USP14: variants seen among roughly 807,000 people sequenced by gnomAD.
The protein encoded by USP14 is ubiquitin specific peptidase 14.
Under a neutral mutation model 76.5 loss-of-function variants are expected in USP14, and 38 were observed. The observed-to-expected ratio is 0.50, with a 90% CI of 0.38 to 0.65. The LOEUF is 0.65. USP14 is among the 30% of genes least tolerant of loss of function. USP14 has a pLI of 0.00. For missense variants in USP14, 467 were observed against 586.5 expected, an observed-to-expected ratio of 0.80 and a Z score of 2.10; for synonymous variants, 192 against 191.7, an observed-to-expected ratio of 1.00 and a Z score of -0.01.
chr18:174,151 C>G (rs892121059), intron 3 of USP14, among the ~76,000 whole-genome samples: 5 of 152,098 alleles, frequency 3.3e-5, no homozygotes, highest in African/African-American at 1.2e-4. Flanking sequence ...TGGGACATCT[C>G]AATATTGAGT....
intron 1 of USP14, among the ~76,000 whole-genome samples, chr18:162,656 TA>T (rs1253919821): frequency 6.6e-6 from 1 of 152,174 alleles, no homozygotes; most frequent in East Asian, 1.9e-4. Flanking sequence ...ATTCTTCAAT[TA>T]AACACATGGG....
At chr18:195,554 A>C (rs1413198337) in intron 6 of USP14, among the ~76,000 whole-genome samples, 1 of 152,186 alleles carries the variant, frequency 6.6e-6, no homozygotes, top group African/African-American at 2.4e-5. Flanking sequence ...AATCCAAGAG[A>C]ACAGACTAGT....
chr18:199,344 T>G (rs371870838), intron 10 of USP14, 28 bp downstream of exon 10: 71 of 1,504,028 alleles, frequency 4.7e-5, no homozygotes, highest in Non-Finnish European at 1.8e-5. Context: ...CCATCCTTGT[T>G]GTTTGTGAAT....
chr18:206,530 A>G (rs1160317206), intron 13 of USP14, among the ~76,000 whole-genome samples: 1 of 152,160 alleles, frequency 6.6e-6, no homozygotes, highest in East Asian at 1.9e-4. Context: ...TTTGCAGAAG[A>G]AAGGTTTTTT....
chr18:173,354 G>A (rs547531871), intron 3 of USP14, among the ~76,000 whole-genome samples: 11 of 151,748 alleles, frequency 7.2e-5, no homozygotes, highest in South Asian at 6.2e-4. Context: ...CTCGTGATCA[G>A]CCCGCCTTGG....
chr18:212,032 A>T lies in USP14; in HGVS notation c.*748A>T, dbSNP rs550190834. ...AAATGAGGACATTTAATAATAATAA[A>T]AAAAAAGGGATTAATAGCTTTTGAC... On this transcript the variant is annotated 3_prime_UTR_variant, in exon 16 of 16. Coordinates refer to ENST00000261601, the MANE Select transcript of USP14 (RefSeq NM_005151.4). The T allele has an allele frequency of 4.3e-4, 65 of 152,320 alleles. No individual in the cohort carries two copies. The highest frequency in any genetic ancestry group is 1.0e-3 in the African/African-American group (42 of 41,574). 9.4% of individuals were successfully genotyped at this position (152,320 alleles called of 1,614,324 possible).
intron 3 of USP14, among the ~76,000 whole-genome samples, chr18:176,467 A>T (rs190758224): frequency 1.3e-5 from 2 of 151,810 alleles, no homozygotes; most frequent in African/African-American, 2.4e-5. Flanking sequence ...TTTAATTTTT[A>T]CTTTTTCTAG....
rs1347545003 is a variant in USP14 at position 158,689 on chromosome 18, G to GCGCCC, written c.-5_-1dup. ...CTCTCCTGCGCCGCCGCCTCCCGCC[G>GCGCCC]CGCCCCGCCATGCCGCTCTACTCCG... On this transcript the variant is annotated 5_prime_UTR_variant, in exon 1 of 16. Coordinates refer to ENST00000261601, the MANE Select transcript of USP14 (RefSeq NM_005151.4). The GCGCCC allele has an allele frequency of 9.2e-6, 14 of 1,527,288 alleles. No individual in the cohort carries two copies. The highest frequency in any genetic ancestry group is 6.0e-5 in the South Asian group (5 of 83,200). 94.6% of individuals were successfully genotyped at this position (1,527,288 alleles called of 1,614,324 possible). A position where few individuals can be genotyped will look rare whatever the true frequency, so the allele number is the denominator to read the frequency against.
At position 196,780 on chromosome 18, in the gene USP14, AG is replaced by A. The variant is rs1910249089; in HGVS notation, c.594+15del. ...GTATCTTCAACAGGTAATTAGGGCA[AG>A]GTATTTTTCATTCTGTAAATGTAAA... On this transcript the variant is annotated intron_variant, in intron 7 of 15. Transcript: ENST00000261601. The A allele has an allele frequency of 6.2e-7, 1 of 1,610,552 alleles. No individual in the cohort carries two copies. Among genetic ancestry groups the A allele is most frequent in the African/African-American group, 1.3e-5 (1 of 74,774 alleles).
At chr18:178,001 T>C (rs568856222) in intron 3 of USP14, among the ~76,000 whole-genome samples, 4 of 147,866 alleles carry the variant, frequency 2.7e-5, no homozygotes, top group African/African-American at 9.9e-5. Context: ...AATAATTTTA[T>C]TAGTGTTTGT....
chr18:160,659 G>C (rs760847606), intron 1 of USP14, among the ~76,000 whole-genome samples: 9 of 152,208 alleles, frequency 5.9e-5, no homozygotes, highest in African/African-American at 2.4e-5. Context: ...TAAGTAACTT[G>C]CTCATGGCAA....
In USP14 at chr18:211,185, T is replaced by C. The variant is rs368897260; in HGVS notation, c.1386T>C (p.Asp462=). 4.2e-5 allele frequency: 68 copies of C among 1,613,954 alleles called. No individual in the cohort carries two copies. The African/African-American group carries it at 8.4e-4, about 20-fold the overall frequency. Residue 462 remains aspartate, a synonymous_variant, in exon 16 of 16, where the codon GAT becomes GAC. Coordinates refer to ENST00000261601, the MANE Select transcript of USP14 (RefSeq NM_005151.4). ...AAGTCAGCATCGTAACACCAGAAGATATCTTACGGCTTTCTGGTGGTGGAG... is the reference window on the plus strand; with the variant it reads ...AAGTCAGCATCGTAACACCAGAAGACATCTTACGGCTTTCTGGTGGTGGAG... ...DDKVSIVTPE[D]ILRLSGGGDW...
intron 6 of USP14, among the ~76,000 whole-genome samples, chr18:195,489 AT>A (rs1222974631): frequency 6.6e-6 from 1 of 152,214 alleles, no homozygotes; most frequent in Non-Finnish European, 1.5e-5. Flanking sequence ...TTTGCTGTAC[AT>A]GAAGGAGGGC....
intron 1 of USP14, 192 bp from the exon 2 acceptor site, chr18:163,116 A>T: frequency 2.2e-6 from 1 of 458,990 alleles, no homozygotes; most frequent in Non-Finnish European, 3.8e-6. Flanking sequence ...ATGAGAAGTT[A>T]GGTTTGATCC....
chr18:190,413 A>G lies in USP14; in HGVS notation c.405-2429A>G, dbSNP rs747071890. ...ACCAGTTTCAAAAACGGAGGTACCA[A>G]TTCATATTTTCATTAGCATTATATG... On this transcript the variant is annotated intron_variant, in intron 5 of 15. Coordinates refer to ENST00000261601, the MANE Select transcript of USP14 (RefSeq NM_005151.4). Among the ~76,000 whole-genome samples the G allele has an allele frequency of 2.0e-4, 30 of 152,320 alleles. No individual in the cohort carries two copies. In the East Asian group the frequency reaches 4.1e-3, roughly 21 times the overall value.
chr18:173,473 G>A (rs774652379), intron 3 of USP14, among the ~76,000 whole-genome samples: 22 of 150,742 alleles, frequency 1.5e-4, no homozygotes, highest in Admixed American at 3.3e-4. Context: ...GTGCAATGGC[G>A]TGATCTCAGC....
In USP14 at chr18:192,975, A is replaced by G. The variant is rs556547690; in HGVS notation, c.463+75A>G. 3.8e-6 allele frequency: 5 copies of G among 1,300,114 alleles called. No homozygotes were observed. In the African/African-American group the frequency reaches 7.5e-5, roughly 19 times the overall value. The allele number at this position is 1,300,114 out of a possible 1,614,324, so 80.5% of individuals were successfully genotyped here. The stretch of plus-strand genomic sequence containing the variant: ...TTTCGCTCACAATCCTTTGCAGTTT[A>G]CAGAATGTCTTTTGTAAAACATCAC... On this transcript the variant is annotated intron_variant, in intron 6 of 15. Transcript: ENST00000261601.
intron 6 of USP14, among the ~76,000 whole-genome samples, chr18:195,904 A>G (rs563263340): frequency 3.9e-5 from 6 of 152,268 alleles, no homozygotes; most frequent in African/African-American, 1.4e-4. Context: ...AGAGAGAGGG[A>G]GGGCTCAGAA....
At chr18:204,721 T>G (rs1231527523) in intron 13 of USP14, 29 bp downstream of exon 13, 1 of 1,598,920 alleles carries the variant, frequency 6.3e-7, no homozygotes, top group South Asian at 1.1e-5. Flanking sequence ...CTTTATACTC[T>G]TAATATCTTA....
Sources: gnomAD v4.1 joint callset for allele counts (sites outside exome capture counted in the v4.1 genomes callset) on GRCh38, gnomAD v4.1.1 for gene constraint, MANE v1.5 for transcripts, NCBI Gene and HGNC (gene_info 2026-07-23, HGNC 2026-07-21) for gene names.